Variants in TENM4 observed in about 807,000 individuals in gnomAD.
TENM4 encodes teneurin-4.
TENM4 carries 82 observed loss-of-function variants against 243.3 expected under a neutral mutation model. The ratio of observed to expected loss-of-function variants is 0.34; its 90% CI spans 0.28 to 0.40. The LOEUF is 0.40. Ranked by LOEUF, TENM4 falls within the 10% of genes least tolerant of loss-of-function variation. TENM4 has a pLI of 1.00. For missense variants in TENM4, 3,138 were observed against 3,673.3 expected, an observed-to-expected ratio of 0.85 and a Z score of 3.77; for synonymous variants, 1,412 against 1,456.3, an observed-to-expected ratio of 0.97 and a Z score of 0.69.
intron 20 of TENM4, among the ~76,000 whole-genome samples, chr11:78,736,479 T>TGTGTGTGCGCGCGCGCGCGC (rs796898751): frequency 1.0e-5 from 1 of 99,334 alleles, no homozygotes; most frequent in African/African-American, 3.0e-5. Context: ...TGTGTGTGTG[T>TGTGTGTGCGCGCGCGCGCGC]GCGCGCGCGT....
chr11:79,337,407 T>A (rs1433456067), intron 1 of TENM4, among the ~76,000 whole-genome samples: 3 of 152,210 alleles, frequency 2.0e-5, no homozygotes, highest in Non-Finnish European at 4.4e-5. Flanking sequence ...AAGGGGGTAC[T>A]TGTCCCTTGG....
chr11:79,284,686 A>C (rs1856217870), intron 2 of TENM4, among the ~76,000 whole-genome samples: 1 of 152,196 alleles, frequency 6.6e-6, no homozygotes, highest in Admixed American at 6.5e-5. Context: ...ACAAAAGAAA[A>C]AATGTAGATA....
At chr11:78,764,046 T>C (rs7129935) in intron 18 of TENM4, among the ~76,000 whole-genome samples, 44,265 of 151,940 alleles carry the variant, frequency 0.29, 8,688 homozygotes, top group African/African-American at 0.55. Context: ...TGTGTCTGCG[T>C]CCTTATCAGG....
chr11:78,774,289 A>C (rs184968177), intron 17 of TENM4, among the ~76,000 whole-genome samples: 7 of 152,360 alleles, frequency 4.6e-5, no homozygotes, highest in Non-Finnish European at 7.3e-5. Flanking sequence ...AAGAAAATAA[A>C]CCTTTGCCAG....
At chr11:79,355,801 T>C (rs139949979) in intron 1 of TENM4, among the ~76,000 whole-genome samples, 264 of 152,302 alleles carry the variant, frequency 1.7e-3, no homozygotes, top group Non-Finnish European at 3.1e-3. Flanking sequence ...GTCATATAGC[T>C]AGCTGGCTTT....
At chr11:79,268,956 T>G (rs568704509) in intron 2 of TENM4, among the ~76,000 whole-genome samples, 11 of 152,304 alleles carry the variant, frequency 7.2e-5, no homozygotes, top group African/African-American at 2.2e-4. Flanking sequence ...GAGTTCAATG[T>G]CAAGGAATCA....
intron 3 of TENM4, among the ~76,000 whole-genome samples, chr11:79,181,463 C>CA (rs1317388833): frequency 2.0e-5 from 3 of 152,042 alleles, no homozygotes; most frequent in South Asian, 2.1e-4. Context: ...ACAGCATCTA[C>CA]AAAAAATCTA....
In TENM4 at chr11:78,798,165, T is replaced by G. The variant is rs1301357947; in HGVS notation, c.2179+7127A>C. ...TCTGTTCCCTCAAATTTAAATGTAA[T>G]TATATTTTGCCTCGTAAATAAAATT... On this transcript the variant is annotated intron_variant, in intron 15 of 33. Transcript: ENST00000278550. 2.0e-5 allele frequency among the ~76,000 whole-genome samples: 3 copies of G among 152,242 alleles called. No individual in the cohort carries two copies. The East Asian group carries it at 5.8e-4, about 29-fold the overall frequency.
chr11:78,984,827 A>G (rs1158216410), intron 6 of TENM4, among the ~76,000 whole-genome samples: 1 of 152,234 alleles, frequency 6.6e-6, no homozygotes, highest in East Asian at 1.9e-4. Context: ...ATTTAATATT[A>G]TAAGAACAAG....
chr11:78,668,465 T>C (rs1858215839), intron 32 of TENM4, among the ~76,000 whole-genome samples: 1 of 152,142 alleles, frequency 6.6e-6, no homozygotes, highest in East Asian at 1.9e-4. Context: ...TTATCCCAAA[T>C]TGAGAACTAA....
Position 78,997,674 on chromosome 11 carries a change from A to G in TENM4, c.493+67064T>C, listed in dbSNP as rs75704836. Among the ~76,000 whole-genome samples the G allele has an allele frequency of 9.7e-3, 1,474 of 152,280 alleles. 36 individuals carry two copies. Among genetic ancestry groups the G allele is most frequent in the African/African-American group, 0.034 (1,394 of 41,560 alleles). On this transcript the variant is annotated intron_variant, in intron 6 of 33. Coordinates refer to ENST00000278550, the MANE Select transcript of TENM4 (RefSeq NM_001098816.3). ...TCTTTCCCCCTGAAGTTTGGCTTTGATGAATATGAAGACCCAGTGAAACTC... is the reference window on the plus strand; with the variant it reads ...TCTTTCCCCCTGAAGTTTGGCTTTGGTGAATATGAAGACCCAGTGAAACTC...
At chr11:79,079,012 T>C (rs2137023019) in intron 4 of TENM4, among the ~76,000 whole-genome samples, 1 of 152,368 alleles carries the variant, frequency 6.6e-6, no homozygotes, top group Middle Eastern at 3.4e-3. Flanking sequence ...AAAACATTAT[T>C]AATTCTTCTG....
chr11:78,695,441 G>T (rs1345832336), intron 28 of TENM4, among the ~76,000 whole-genome samples: 1 of 152,130 alleles, frequency 6.6e-6, no homozygotes, highest in African/African-American at 2.4e-5. Flanking sequence ...TCAGCTCATT[G>T]CAACCTCCGC....
At chr11:78,796,698 T>C (rs1161492020) in intron 15 of TENM4, among the ~76,000 whole-genome samples, 7 of 152,238 alleles carry the variant, frequency 4.6e-5, no homozygotes, top group Admixed American at 3.9e-4. Flanking sequence ...TTATTCATGC[T>C]GGCTTTCCTC....
In TENM4 at chr11:79,141,028, G is replaced by A. The variant is rs1050148252; in HGVS notation, c.-66+7682C>T. 5.3e-5 allele frequency among the ~76,000 whole-genome samples: 8 copies of A among 152,104 alleles called. No individual in the cohort carries two copies. The Middle Eastern group carries it at 0.01, about 194-fold the overall frequency. ...CCTCCCTGAGATTAAGGTGCTAGAC[G>A]GAGCCTATTAATGTGAATATACCAT... On this transcript the variant is annotated intron_variant, in intron 4 of 33. Transcript: ENST00000278550.
intron 1 of TENM4, among the ~76,000 whole-genome samples, chr11:79,439,678 C>T (rs1859357553): frequency 6.6e-6 from 1 of 151,704 alleles, no homozygotes; most frequent in Non-Finnish European, 1.5e-5. Flanking sequence ...CACACACACA[C>T]ACACACACAC....
At chr11:79,037,235 T>C (rs974218867) in intron 6 of TENM4, among the ~76,000 whole-genome samples, 3 of 152,170 alleles carry the variant, frequency 2.0e-5, no homozygotes, top group African/African-American at 7.2e-5. Context: ...TAGGAGGCTC[T>C]CTTGCTGTCA....
intron 29 of TENM4, among the ~76,000 whole-genome samples, chr11:78,686,077 C>T (rs1423277873): frequency 2.0e-5 from 3 of 152,186 alleles, no homozygotes; most frequent in African/African-American, 4.8e-5. Flanking sequence ...GGTCATAAGA[C>T]GTACTTTCAG....
Position 79,061,253 on chromosome 11 carries a change from G to A in TENM4, c.493+3485C>T, listed in dbSNP as rs112211407. On this transcript the variant is annotated intron_variant, in intron 6 of 33. Coordinates refer to ENST00000278550, the MANE Select transcript of TENM4 (RefSeq NM_001098816.3). Reference sequence around the variant, plus strand: ...TATTTAGATCTGAGTACCGCATAACGAAGCTGTTAATGTAACTTCCTAACC... The same window carrying A: ...TATTTAGATCTGAGTACCGCATAACAAAGCTGTTAATGTAACTTCCTAACC... Among the ~76,000 whole-genome samples the A allele has an allele frequency of 9.6e-3, 1,464 of 152,274 alleles. 32 individuals are homozygous for A. Among genetic ancestry groups the A allele is most frequent in the African/African-American group, 0.034 (1,402 of 41,540 alleles).
Sources: gnomAD v4.1 joint callset for allele counts (sites outside exome capture counted in the v4.1 genomes callset) on GRCh38, gnomAD v4.1.1 for gene constraint, MANE v1.5 for transcripts, NCBI Gene and HGNC (gene_info 2026-07-23, HGNC 2026-07-21) for gene names.